The following STRBP variants were observed in gnomAD, a reference collection of about 807,000 sequenced individuals.
STRBP encodes spermatid perinuclear RNA binding protein.
A neutral mutation model predicts 80.1 loss-of-function variants in STRBP; 13 were observed. That is an observed-to-expected ratio of 0.16 (90% CI 0.11 to 0.26). The LOEUF (loss-of-function observed/expected upper bound fraction) is 0.26, where lower values mean the gene tolerates loss of function less well. Among genes scored for constraint, STRBP ranks in the 10% least tolerant of loss-of-function variants. STRBP has a pLI of 1.00. For synonymous variants in STRBP, 284 were observed against 291.2 expected, an observed-to-expected ratio of 0.98 and a Z score of 0.25; for missense variants, 485 against 815.2, an observed-to-expected ratio of 0.59 and a Z score of 4.93.
At position 123,237,777 on chromosome 9, in the gene STRBP, G is replaced by A. The variant is rs553607613; in HGVS notation, c.-301-811C>T. Among the ~76,000 whole-genome samples, 6 of 152,230 alleles carry A rather than the reference G, an allele frequency of 3.9e-5. No individual in the cohort carries two copies. In the East Asian group the frequency reaches 5.8e-4, roughly 15 times the overall value. On this transcript the variant is annotated intron_variant, in intron 1 of 18. Coordinates refer to ENST00000348403, the MANE Select transcript of STRBP (RefSeq NM_018387.5). The stretch of plus-strand genomic sequence containing the variant: ...AATACAATGGCAAACCCCTTACAGC[G>A]GGAGAAAGGTGCAACTATAAAATCC...
intron 6 of STRBP, among the ~76,000 whole-genome samples, chr9:123,169,617 A>G (rs1373035283): frequency 1.3e-5 from 2 of 152,224 alleles, no homozygotes; most frequent in African/African-American, 4.8e-5. Context: ...AGACAAAGTA[A>G]AACAGAACAG....
intron 13 of STRBP, among the ~76,000 whole-genome samples, chr9:123,144,998 T>C (rs1290507625): frequency 6.6e-6 from 1 of 152,222 alleles, no homozygotes; most frequent in Non-Finnish European, 1.5e-5. Flanking sequence ...GATCAAAGTT[T>C]AGTTTATCCC....
At chr9:123,190,467 TA>T (rs5900567) in intron 2 of STRBP, among the ~76,000 whole-genome samples, 56 of 148,344 alleles carry the variant, frequency 3.8e-4, no homozygotes, top group African/African-American at 1.1e-3. Flanking sequence ...CTTTTTCATG[TA>T]AAAAAAAAAG....
intron 2 of STRBP, among the ~76,000 whole-genome samples, chr9:123,190,319 A>AAGAG (rs917864434): frequency 6.6e-6 from 1 of 152,000 alleles, no homozygotes; most frequent in African/African-American, 2.4e-5. Flanking sequence ...TAAGGAAAGT[A>AAGAG]AGAGCAAATA....
chr9:123,235,785 C>G (rs1311144095), intron 2 of STRBP, among the ~76,000 whole-genome samples: 2 of 152,006 alleles, frequency 1.3e-5, no homozygotes, highest in Non-Finnish European at 2.9e-5. Context: ...TAAAATTCAG[C>G]TATACTAAAG....
intron 6 of STRBP, among the ~76,000 whole-genome samples, chr9:123,166,928 C>G (rs757706234): frequency 3.3e-5 from 5 of 152,040 alleles, no homozygotes; most frequent in Admixed American, 6.6e-5. Flanking sequence ...AGAAAGACAA[C>G]GGAAAACATA....
intron 3 of STRBP, among the ~76,000 whole-genome samples, chr9:123,182,031 A>ATGG (rs2038488204): frequency 6.6e-6 from 1 of 151,378 alleles, no homozygotes; most frequent in Non-Finnish European, 1.5e-5. Context: ...CCTGGCCAAC[A>ATGG]TGGTGAAACC....
chr9:123,256,334 C>T (rs1193208722), intron 1 of STRBP, among the ~76,000 whole-genome samples: 2 of 152,086 alleles, frequency 1.3e-5, no homozygotes, highest in Non-Finnish European at 2.9e-5. Flanking sequence ...TTTCCACTAC[C>T]TTTATTGCTT....
chr9:123,183,829 A>G (rs2038590970), intron 3 of STRBP, among the ~76,000 whole-genome samples: 1 of 152,166 alleles, frequency 6.6e-6, no homozygotes, highest in South Asian at 2.1e-4. Context: ...AAAGTTAAAA[A>G]CCTAGCTATT....
At position 123,185,143 on chromosome 9, in the gene STRBP, T is replaced by G. The variant is rs562579496; in HGVS notation, c.-164-845A>C. ...ATCAAAATACAGCACATGCTTTAAC[T>G]ATGTGGCTATAAGAGGACATAATTT... On this transcript the variant is annotated intron_variant, in intron 2 of 18. Transcript: ENST00000348403. Among the ~76,000 whole-genome samples the G allele has an allele frequency of 1.6e-4, 25 of 152,084 alleles. 1 individual carries two copies. The Middle Eastern group carries it at 0.01, about 63-fold the overall frequency.
At chr9:123,211,073 A>G (rs1431752811) in intron 2 of STRBP, among the ~76,000 whole-genome samples, 1 of 152,218 alleles carries the variant, frequency 6.6e-6, no homozygotes, top group Non-Finnish European at 1.5e-5. Context: ...ATGTACAAAC[A>G]ACAGACACAT....
intron 7 of STRBP, 95 bp downstream of exon 7, chr9:123,160,882 T>C (rs1332186614): frequency 9.9e-7 from 1 of 1,009,224 alleles, no homozygotes; most frequent in African/African-American, 1.7e-5. Flanking sequence ...GCACCCCTCA[T>C]TTTATGTAGT....
In STRBP at chr9:123,115,739, C is replaced by T. The variant is rs1454655567; in HGVS notation, c.*84+190G>A. On this transcript the variant is annotated intron_variant and NMD_transcript_variant, in intron 3 of 3. Coordinates refer to the STRBP transcript ENST00000471564. The surrounding 1 kb of genome is among the most constrained non-coding windows in gnomAD (Gnocchi z 5.0). ...TCCACAGCATTTCCTCTTTGCCGTC[C>T]ACACAACCGGCTTCTTGCTTGAACA... The T allele has an allele frequency of 2.4e-5, 8 of 334,622 alleles. No individual in the cohort carries two copies. Among genetic ancestry groups the T allele is most frequent in the Non-Finnish European group, 4.7e-5 (8 of 170,204 alleles). 20.7% of individuals were successfully genotyped at this position (334,622 alleles called of 1,614,324 possible). A position where few individuals can be genotyped will look rare whatever the true frequency, so the allele number is the denominator to read the frequency against.
intron 1 of STRBP, among the ~76,000 whole-genome samples, chr9:123,260,243 G>A (rs1185933349): frequency 6.6e-6 from 1 of 152,174 alleles, no homozygotes; most frequent in Non-Finnish European, 1.5e-5. Context: ...CACTAGAAGA[G>A]TCAAATAACC....
intron 13 of STRBP, among the ~76,000 whole-genome samples, chr9:123,141,176 C>T (rs2036577387): frequency 6.6e-6 from 1 of 152,208 alleles, no homozygotes; most frequent in South Asian, 2.1e-4. Context: ...TAAACAACTG[C>T]ATCTTGTATA....
chr9:123,135,217 A>G (rs2036301986), intron 16 of STRBP, among the ~76,000 whole-genome samples: 1 of 152,212 alleles, frequency 6.6e-6, no homozygotes, highest in Admixed American at 6.5e-5. Flanking sequence ...TACAATGGAC[A>G]TAGCATACAT....
At chr9:123,200,303 T>C (rs1308231295) in intron 2 of STRBP, among the ~76,000 whole-genome samples, 1 of 152,234 alleles carries the variant, frequency 6.6e-6, no homozygotes, top group Non-Finnish European at 1.5e-5. Flanking sequence ...TGATGTGTTG[T>C]TGAATTCAGT....
intron 2 of STRBP, among the ~76,000 whole-genome samples, chr9:123,192,630 G>C (rs1354667153): frequency 6.6e-6 from 1 of 152,166 alleles, no homozygotes. Context: ...CATAGGAACA[G>C]GAATCTTGTT....
At position 123,259,254 on chromosome 9, in the gene STRBP, G is replaced by GA. The variant is rs1225341959; in HGVS notation, c.-302+9181dup. On this transcript the variant is annotated intron_variant, in intron 1 of 18. Coordinates refer to ENST00000348403, the MANE Select transcript of STRBP (RefSeq NM_018387.5). ...CTCCAGGTTTTGACCTGAGAAAATG[G>GA]AAAGATGAAGCTGCTATTTACTGAG... is the stretch of plus-strand genomic sequence containing the variant. 2.0e-5 allele frequency among the ~76,000 whole-genome samples: 3 copies of GA among 152,172 alleles called. No homozygotes were observed. In the East Asian group the frequency reaches 5.8e-4, roughly 29 times the overall value.
Sources: allele counts gnomAD v4.1 joint callset (sites outside exome capture counted in the v4.1 genomes callset), GRCh38; gene constraint gnomAD v4.1.1; non-coding constraint Gnocchi (gnomAD v3.1); transcripts MANE v1.5; gene names NCBI Gene and HGNC (gene_info 2026-07-23, HGNC 2026-07-21).